ACTR3B: variants seen among roughly 807,000 people sequenced by gnomAD.
ACTR3B encodes the protein actin related protein 3B.
A neutral mutation model predicts 59.0 loss-of-function variants in ACTR3B; 8 were observed. The ratio of observed to expected loss-of-function variants is 0.14; its 90% confidence interval spans 0.08 to 0.24. The LOEUF (loss-of-function observed/expected upper bound fraction) is 0.24. Among genes scored for constraint, ACTR3B ranks in the 10% least tolerant of loss-of-function variants. The pLI, the probability that ACTR3B is intolerant of heterozygous loss-of-function variation, is 1.00. For missense variants in ACTR3B, 245 were observed against 552.3 expected (o/e 0.44, Z 5.58); for synonymous variants, 148 against 197.9 (o/e 0.75, Z 2.12).
At chr7:152,812,528 T>C (rs1795353313) in intron 4 of ACTR3B, 1 of 141,224 alleles carries the variant, frequency 7.1e-6, no homozygotes, top group African/African-American at 2.5e-5. Context: ...CTTAGTATTT[T>C]ATTTTATTGT....
chr7:152,829,016 T>A, intron 9 of ACTR3B, among the ~76,000 whole-genome samples: 1 of 151,770 alleles, frequency 6.6e-6, no homozygotes, highest in African/African-American at 2.4e-5. Context: ...TTTTGAGGTA[T>A]ATTGACAAGT....
At chr7:152,842,545 C>G (rs1429054011) in intron 9 of ACTR3B, among the ~76,000 whole-genome samples, 2 of 150,282 alleles carry the variant, frequency 1.3e-5, no homozygotes, top group Non-Finnish European at 3.0e-5. Context: ...TGGGGGGCTG[C>G]TGGAAATGGA....
intron 6 of ACTR3B, among the ~76,000 whole-genome samples, chr7:152,819,015 A>G (rs915407832): frequency 2.6e-5 from 4 of 152,246 alleles, no homozygotes; most frequent in Non-Finnish European, 5.9e-5. Flanking sequence ...GCTGATATTT[A>G]TTTAACAGTA....
At position 152,771,851 on chromosome 7, in the gene ACTR3B, A is replaced by G. The variant is rs574294496; in HGVS notation, c.45-11336A>G. 2.9e-3 allele frequency among the ~76,000 whole-genome samples: 434 copies of G among 152,122 alleles called. 3 individuals are homozygous for G. The highest frequency in any genetic ancestry group is 0.01 in the African/African-American group (415 of 41,496). ...AGCACTTTGGGAAGCCGAGGTGGGCAGATCACCTGGGGTCAGACCAGCTGA... is the reference window on the plus strand; with the variant it reads ...AGCACTTTGGGAAGCCGAGGTGGGCGGATCACCTGGGGTCAGACCAGCTGA... On this transcript the variant is annotated intron_variant, in intron 1 of 11. Coordinates refer to ENST00000256001, the MANE Select transcript of ACTR3B (RefSeq NM_020445.6).
At chr7:152,806,000 G>T (rs1227012185) in intron 4 of ACTR3B, among the ~76,000 whole-genome samples, 1 of 152,072 alleles carries the variant, frequency 6.6e-6, no homozygotes, top group Non-Finnish European at 1.5e-5. Flanking sequence ...TTTTACCATT[G>T]TTATGAATAA....
At chr7:152,808,784 A>G (rs1286351864) in intron 4 of ACTR3B, among the ~76,000 whole-genome samples, 3 of 152,192 alleles carry the variant, frequency 2.0e-5, no homozygotes, top group Non-Finnish European at 4.4e-5. Context: ...ATGAGATACA[A>G]TATTGGCTAT....
chr7:152,828,190 C>T (rs1264375793), intron 9 of ACTR3B, among the ~76,000 whole-genome samples: 5 of 152,128 alleles, frequency 3.3e-5, no homozygotes, highest in African/African-American at 7.2e-5. Flanking sequence ...CCTCTTCAGG[C>T]GGGGCATGTT....
At chr7:152,806,541 A>G (rs996906408) in intron 4 of ACTR3B, among the ~76,000 whole-genome samples, 1 of 152,210 alleles carries the variant, frequency 6.6e-6, no homozygotes, top group East Asian at 1.9e-4. Context: ...GTGGCTAACA[A>G]TCTCTCTACT....
In ACTR3B at chr7:152,808,443, A is replaced by C. The variant is rs1282389580; in HGVS notation, c.337-6107A>C. ...CCTTTGATGTTTGTACTTAATCTTC[A>C]TCCATCTGGGATTTATTTGTATCAT... is the stretch of plus-strand genomic sequence containing the variant. On this transcript the variant is annotated intron_variant, in intron 4 of 11. Transcript: ENST00000256001. Among the ~76,000 whole-genome samples the C allele has an allele frequency of 5.9e-5, 9 of 151,578 alleles. 1 individual carries two copies. The Middle Eastern group carries it at 0.014, about 229-fold the overall frequency.
In ACTR3B at chr7:152,853,518, G is replaced by A. The variant is rs1799007022; in HGVS notation, c.1102G>A (p.Val368Ile). 6.2e-7 allele frequency: 1 copy of A among 1,613,988 alleles called. No homozygotes were observed. ...GCCGAAGCCTGTGGAGGTCCAGGTG[G>A]TCACGCATCACATGCAGCGCTACGC... is the stretch of plus-strand genomic sequence containing the variant. The part of the protein sequence containing the change: ...IKPKPVEVQV[V>I]THHMQRYAVW... Residue 368 changes from valine (V) to isoleucine (I), a missense_variant, in exon 11 of 12, where the codon GTC (valine) becomes ATC (isoleucine). By Grantham distance (29) the Val-to-Ile change is conservative. This residue lies in a region of ACTR3B where 153 missense variants were observed against 266.2 expected (regional missense o/e 0.57). Transcript: ENST00000256001.
chr7:152,765,183 T>A (rs955232720), intron 1 of ACTR3B, among the ~76,000 whole-genome samples: 5 of 138,128 alleles, frequency 3.6e-5, no homozygotes, highest in African/African-American at 1.1e-4. Context: ...AATGGCGCGA[T>A]CTTGGCTCAC....
At chr7:152,853,670 C>A in intron 11 of ACTR3B, 93 bp downstream of exon 11, 2 of 1,141,536 alleles carry the variant, frequency 1.8e-6, no homozygotes, top group Non-Finnish European at 2.6e-6. Context: ...ATAGTGTGTG[C>A]CCTAATCGTG....
chr7:152,780,352 C>A (rs1470236582), intron 1 of ACTR3B, among the ~76,000 whole-genome samples: 49 of 131,366 alleles, frequency 3.7e-4, no homozygotes, highest in Admixed American at 5.4e-4. Context: ...AACTCTGTCT[C>A]AAAAAAAAAA....
Position 152,823,950 on chromosome 7 carries a change from A to G in ACTR3B, c.858+435A>G, listed in dbSNP as rs2689591. ...AACCCTGGACAGTTGGTCCTGCTCT[A>G]TTCCCTGCTGCAAGTTAGGTAAAGC... On this transcript the variant is annotated intron_variant, in intron 8 of 11. Transcript: ENST00000256001. Among the ~76,000 whole-genome samples the G allele has an allele frequency of 3.3e-5, 5 of 152,248 alleles. No individual in the cohort carries two copies. The East Asian group carries it at 5.8e-4, about 18-fold the overall frequency.
intron 9 of ACTR3B, among the ~76,000 whole-genome samples, chr7:152,836,272 A>G (rs1797449367): frequency 6.6e-6 from 1 of 152,196 alleles, no homozygotes; most frequent in Admixed American, 6.5e-5. Flanking sequence ...GCGAAAGTAA[A>G]CAAACCTTGA....
chr7:152,852,127 A>G lies in ACTR3B; in HGVS notation c.953A>G (p.Asn318Ser). ...PIDVRRPLYK[N>S]VVLSGGSTMF... is the part of the protein sequence containing the mutation. ...CTCCCTCTGCTTTGTGTCTTGTAGA[A>G]TGTCGTACTCTCAGGAGGCTCCACC... The change falls in exon 10 of 12, where the codon AAT becomes AGT. Residue 318 changes from asparagine to serine, a missense_variant and splice_region_variant. Asn to Ser is a conservative substitution (Grantham distance 46, BLOSUM62 1). Coordinates refer to ENST00000256001, the MANE Select transcript of ACTR3B (RefSeq NM_020445.6). The G allele has an allele frequency of 6.2e-7, 1 of 1,614,030 alleles. No individual in the cohort carries two copies. The highest frequency in any genetic ancestry group is 8.5e-7 in the Non-Finnish European group (1 of 1,179,984).
At chr7:152,788,071 C>T (rs1161348545) in intron 2 of ACTR3B, among the ~76,000 whole-genome samples, 4 of 151,698 alleles carry the variant, frequency 2.6e-5, no homozygotes, top group Non-Finnish European at 5.9e-5. Context: ...ATTACAGGCA[C>T]CCACCACCAC....
intron 9 of ACTR3B, among the ~76,000 whole-genome samples, chr7:152,832,064 G>A (rs905224228): frequency 3.9e-5 from 6 of 152,202 alleles, no homozygotes; most frequent in East Asian, 1.9e-4. Context: ...GTAGAACCAC[G>A]CGGAGGCAGG....
chr7:152,827,247 AG>A (rs375589299), intron 9 of ACTR3B, among the ~76,000 whole-genome samples: 2,488 of 151,134 alleles, frequency 0.016, 17 homozygotes, highest in Non-Finnish European at 0.022. Flanking sequence ...CTGGCTGTCA[AG>A]TTTGTGCAGA....
Sources: allele counts gnomAD v4.1 joint callset (sites outside exome capture counted in the v4.1 genomes callset), GRCh38; gene constraint gnomAD v4.1.1; regional missense constraint gnomAD v4.1.1; transcripts MANE v1.5; gene names NCBI Gene and HGNC (gene_info 2026-07-23, HGNC 2026-07-21).